SLC2A13: variants seen among roughly 807,000 people sequenced by gnomAD.
SLC2A13 encodes the protein solute carrier family 2 member 13, also known as proton myo-inositol cotransporter.
SLC2A13 carries 32 observed loss-of-function variants against 64.4 expected under a neutral mutation model. That is an observed-to-expected ratio of 0.50 (90% confidence interval 0.37 to 0.67). The LOEUF (loss-of-function observed/expected upper bound fraction) is 0.67, where lower values mean the gene tolerates loss of function less well. SLC2A13 is among the 30% of genes least tolerant of loss of function. The pLI, the probability that SLC2A13 is intolerant of heterozygous loss-of-function variation, is 0.00. For missense variants in SLC2A13, 743 were observed against 829.2 expected, an observed-to-expected ratio of 0.90 and a Z score of 1.28; for synonymous variants, 338 against 327.1, an observed-to-expected ratio of 1.03 and a Z score of -0.36.
chr12:39,838,715 C>T (rs1445691585), intron 6 of SLC2A13, among the ~76,000 whole-genome samples: 1 of 152,024 alleles, frequency 6.6e-6, no homozygotes, highest in Non-Finnish European at 1.5e-5. Flanking sequence ...TTTCACGTGG[C>T]ACCCAGGGTC....
At chr12:40,071,965 G>A (rs948837624) in intron 1 of SLC2A13, among the ~76,000 whole-genome samples, 4 of 151,824 alleles carry the variant, frequency 2.6e-5, no homozygotes, top group African/African-American at 9.7e-5. Context: ...GCCTACCTTG[G>A]ATTTAATTCC....
intron 3 of SLC2A13, among the ~76,000 whole-genome samples, chr12:39,995,683 C>G (rs952169404): frequency 3.3e-5 from 5 of 152,136 alleles, no homozygotes; most frequent in Admixed American, 3.3e-4. Flanking sequence ...GGCTGTGTCC[C>G]CACCCAAATC....
At chr12:39,970,024 C>T (rs1946613686) in intron 3 of SLC2A13, among the ~76,000 whole-genome samples, 1 of 152,188 alleles carries the variant, frequency 6.6e-6, no homozygotes. Flanking sequence ...ATATGGCTAG[C>T]CAGTTTTCCC....
chr12:39,783,249 T>C (rs931785150), intron 7 of SLC2A13, among the ~76,000 whole-genome samples: 2 of 152,236 alleles, frequency 1.3e-5, no homozygotes, highest in Non-Finnish European at 1.5e-5. Flanking sequence ...ATGTGCCACA[T>C]TTTCTTAATT....
At chr12:39,817,023 C>G (rs7308155) in intron 7 of SLC2A13, among the ~76,000 whole-genome samples, 104,211 of 151,798 alleles carry the variant, frequency 0.69, 36,010 homozygotes, top group East Asian at 0.78. Flanking sequence ...CCAAGAACCA[C>G]AAATGCCTTG....
intron 1 of SLC2A13, among the ~76,000 whole-genome samples, chr12:40,092,641 C>A (rs1938806113): frequency 1.3e-5 from 2 of 152,158 alleles, no homozygotes; most frequent in Non-Finnish European, 2.9e-5. Flanking sequence ...TACAGATGCT[C>A]AATAGCTACC....
chr12:40,065,644 G>A (rs917222617), intron 1 of SLC2A13, among the ~76,000 whole-genome samples: 1 of 152,056 alleles, frequency 6.6e-6, no homozygotes, highest in Non-Finnish European at 1.5e-5. Context: ...GTTCTATATG[G>A]CTTGGACACC....
chr12:39,978,551 A>G (rs1180452207), intron 3 of SLC2A13, among the ~76,000 whole-genome samples: 1 of 152,162 alleles, frequency 6.6e-6, no homozygotes, highest in East Asian at 1.9e-4. Flanking sequence ...GGAGTCAAAG[A>G]AAGGGGTGAC....
chr12:39,940,927 A>C (rs936628025), intron 4 of SLC2A13, among the ~76,000 whole-genome samples: 1 of 151,458 alleles, frequency 6.6e-6, no homozygotes, highest in East Asian at 1.9e-4. Context: ...TTGCGTCCTC[A>C]TAGCTTAGCT....
chr12:40,041,359 T>C (rs1312223458), intron 2 of SLC2A13, among the ~76,000 whole-genome samples: 2 of 152,200 alleles, frequency 1.3e-5, no homozygotes, highest in African/African-American at 2.4e-5. Flanking sequence ...GACTGGTTCT[T>C]TCAGATGACA....
intron 5 of SLC2A13, among the ~76,000 whole-genome samples, chr12:39,868,658 C>A (rs1288663970): frequency 1.3e-5 from 2 of 152,154 alleles, no homozygotes; most frequent in African/African-American, 4.8e-5. Context: ...GGGGGAAAAA[C>A]ACAATCTTTC....
intron 7 of SLC2A13, among the ~76,000 whole-genome samples, chr12:39,771,666 A>C (rs933085372): frequency 6.6e-6 from 1 of 152,128 alleles, no homozygotes; most frequent in African/African-American, 2.4e-5. Context: ...TGTGTGTTGC[A>C]GTAGTAAATG....
At chr12:39,966,803 T>C (rs1946525315) in intron 3 of SLC2A13, among the ~76,000 whole-genome samples, 2 of 152,274 alleles carry the variant, frequency 1.3e-5, no homozygotes, top group Middle Eastern at 6.8e-3. Flanking sequence ...GCTTTTTAAA[T>C]GTCTGTGGGT....
At chr12:39,991,305 C>A (rs963328080) in intron 3 of SLC2A13, among the ~76,000 whole-genome samples, 1 of 152,126 alleles carries the variant, frequency 6.6e-6, no homozygotes, top group Non-Finnish European at 1.5e-5. Context: ...CAAATGGGCT[C>A]CAAGTGACAT....
At chr12:39,790,039 T>A (rs1233942373) in intron 7 of SLC2A13, among the ~76,000 whole-genome samples, 2 of 151,878 alleles carry the variant, frequency 1.3e-5, no homozygotes, top group Non-Finnish European at 2.9e-5. Context: ...AGTAATATAT[T>A]TTATTTAACC....
chr12:40,015,072 T>C (rs1947601069), intron 3 of SLC2A13, among the ~76,000 whole-genome samples: 1 of 152,176 alleles, frequency 6.6e-6, no homozygotes. Flanking sequence ...AAGGGTCTAT[T>C]TCTCACATTA....
chr12:39,769,156 T>G (rs1940469470), intron 7 of SLC2A13, among the ~76,000 whole-genome samples: 1 of 152,138 alleles, frequency 6.6e-6, no homozygotes, highest in Non-Finnish European at 1.5e-5. Flanking sequence ...TATTTTATCC[T>G]TTATTGTCTT....
chr12:39,856,600 C>T (rs1196824869), intron 6 of SLC2A13, among the ~76,000 whole-genome samples: 1 of 152,174 alleles, frequency 6.6e-6, no homozygotes, highest in African/African-American at 2.4e-5. Context: ...ATCTCTTGAC[C>T]TCGTGATTTG....
rs1405303810 is a variant in SLC2A13, at chr12:39,764,823, A to T, written c.1481T>A (p.Ile494Lys). 6.2e-6 allele frequency: 10 copies of T among 1,612,462 alleles called. No homozygotes were observed. The highest frequency in any genetic ancestry group is 8.5e-6 in the Non-Finnish European group (10 of 1,179,106). ...ENETKFKTEDIFWAYNFCPTP... is the reference protein window; with the variant it reads ...ENETKFKTEDKFWAYNFCPTP... ...AGGGCAGAAATTGTAAGCCCAAAAT[A>T]TATCTTCTGTTTTGAACTTGGTTTC... The change falls in exon 8 of 10, where the codon ATA becomes AAA. Residue 494 changes from isoleucine (I) to lysine (K), a missense_variant. Coordinates refer to ENST00000280871, the MANE Select transcript of SLC2A13 (RefSeq NM_052885.4).
Sources: allele counts gnomAD v4.1 joint callset (sites outside exome capture counted in the v4.1 genomes callset), GRCh38; gene constraint gnomAD v4.1.1; transcripts MANE v1.5; gene names NCBI Gene and HGNC (gene_info 2026-07-23, HGNC 2026-07-21).